CTNNA3: variants seen among roughly 807,000 people sequenced by gnomAD.
CTNNA3 encodes catenin alpha 3.
Under a neutral mutation model 95.7 loss-of-function variants are expected in CTNNA3, and 76 were observed. That is an observed-to-expected ratio of 0.79 (90% CI 0.66 to 0.96). The LOEUF (loss-of-function observed/expected upper bound fraction) is 0.96, where lower values mean the gene tolerates loss of function less well. Ranked by LOEUF, CTNNA3 falls within the 40% of genes least tolerant of loss-of-function variation. The pLI is 0.00. For missense variants in CTNNA3, 1,191 were observed against 1,089.8 expected, an observed-to-expected ratio of 1.09 and a Z score of -1.31; for synonymous variants, 431 against 374.4, an observed-to-expected ratio of 1.15 and a Z score of -1.74.
chr10:67,553,772 A>C (rs944685384), intron 3 of CTNNA3, among the ~76,000 whole-genome samples: 2 of 150,052 alleles, frequency 1.3e-5, no homozygotes, highest in Non-Finnish European at 3.0e-5. Context: ...TTTTTTTTTT[A>C]ATTATACTTT....
At chr10:67,051,064 A>T (rs1157104478) in intron 7 of CTNNA3, among the ~76,000 whole-genome samples, 2 of 152,238 alleles carry the variant, frequency 1.3e-5, no homozygotes, top group African/African-American at 2.4e-5. Flanking sequence ...ATATGGGAAG[A>T]TAAAATATTT....
chr10:66,240,513 G>T (rs145346413), intron 13 of CTNNA3, among the ~76,000 whole-genome samples: 2 of 152,006 alleles, frequency 1.3e-5, no homozygotes, highest in Non-Finnish European at 2.9e-5. Flanking sequence ...TACCAGATGC[G>T]CTATAGTACT....
intron 13 of CTNNA3, among the ~76,000 whole-genome samples, chr10:66,188,237 C>A (rs933080556): frequency 2.0e-5 from 3 of 152,026 alleles, no homozygotes; most frequent in Admixed American, 2.0e-4. Context: ...GCCCCAGAAA[C>A]CTAAAAGATA....
At chr10:66,608,488 A>C (rs1161766197) in intron 10 of CTNNA3, among the ~76,000 whole-genome samples, 2 of 152,190 alleles carry the variant, frequency 1.3e-5, no homozygotes, top group Non-Finnish European at 2.9e-5. Flanking sequence ...CCGAATAGCC[A>C]AGACAATCCT....
At chr10:67,690,839 T>G (rs1453365314) in intron 1 of CTNNA3, among the ~76,000 whole-genome samples, 1 of 151,796 alleles carries the variant, frequency 6.6e-6, no homozygotes, top group Non-Finnish European at 1.5e-5. Context: ...TTCCTTCATC[T>G]AGAAAGTCTT....
At chr10:66,487,569 GC>G (rs1839783772) in intron 11 of CTNNA3, among the ~76,000 whole-genome samples, 2 of 152,028 alleles carry the variant, frequency 1.3e-5, no homozygotes, top group South Asian at 4.2e-4. Context: ...CAGCCGCCTG[GC>G]CCAAATGCTA....
At chr10:67,374,682 ATGTCTAGTGAGG>A (rs779673824) in intron 5 of CTNNA3, among the ~76,000 whole-genome samples, 15 of 152,170 alleles carry the variant, frequency 9.9e-5, no homozygotes, top group Non-Finnish European at 2.1e-4. Flanking sequence ...CAGGTAAATA[ATGTCTAGTGAGG>A]TGACTTTTGA....
chr10:65,941,499 C>T (rs551075927), intron 17 of CTNNA3, among the ~76,000 whole-genome samples: 5 of 152,156 alleles, frequency 3.3e-5, no homozygotes, highest in Non-Finnish European at 7.3e-5. Flanking sequence ...GATTCCCATG[C>T]AGAAAATAAA....
intron 11 of CTNNA3, among the ~76,000 whole-genome samples, chr10:66,454,115 C>T (rs372338419): frequency 7.9e-5 from 12 of 152,070 alleles, no homozygotes; most frequent in Admixed American, 7.9e-4. Context: ...GGCCAAGAGC[C>T]AAGGAGCACA....
At chr10:66,740,453 TC>T (rs1849292308) in intron 9 of CTNNA3, among the ~76,000 whole-genome samples, 2 of 152,198 alleles carry the variant, frequency 1.3e-5, no homozygotes, top group South Asian at 4.1e-4. Context: ...ACTGTAATAT[TC>T]AATTTTGTCA....
intron 5 of CTNNA3, among the ~76,000 whole-genome samples, chr10:67,238,908 A>AT (rs1401881750): frequency 3.3e-5 from 5 of 152,158 alleles, no homozygotes; most frequent in Non-Finnish European, 7.4e-5. Context: ...AGTTTAATAC[A>AT]TTTTTGTTAA....
At position 67,620,386 on chromosome 10, in the gene CTNNA3, G is replaced by T. The variant is rs148788436; in HGVS notation, c.100-13337C>A. Among the ~76,000 whole-genome samples the T allele has an allele frequency of 3.6e-3, 554 of 152,172 alleles. 5 individuals carry two copies. The highest frequency in any genetic ancestry group is 0.013 in the African/African-American group (520 of 41,532). On this transcript the variant is annotated intron_variant, in intron 2 of 17. Transcript: ENST00000433211. ...AGGTCACCACATGGGTCCAAAGGCCGCATCTCCCACCGTGAAATCATATAA... is the reference window on the plus strand; with the variant it reads ...AGGTCACCACATGGGTCCAAAGGCCTCATCTCCCACCGTGAAATCATATAA...
intron 5 of CTNNA3, among the ~76,000 whole-genome samples, chr10:67,233,943 C>A (rs1865339060): frequency 6.6e-6 from 1 of 152,074 alleles, no homozygotes; most frequent in African/African-American, 2.4e-5. Context: ...ACACATACAC[C>A]CTCCCAAGAC....
At chr10:66,335,018 G>T (rs187990847) in intron 12 of CTNNA3, among the ~76,000 whole-genome samples, 1 of 151,900 alleles carries the variant, frequency 6.6e-6, no homozygotes, top group Non-Finnish European at 1.5e-5. Flanking sequence ...CCAGTTGATC[G>T]AATCGGCTAC....
At chr10:67,193,152 T>C (rs1320787894) in intron 6 of CTNNA3, among the ~76,000 whole-genome samples, 11 of 151,926 alleles carry the variant, frequency 7.2e-5, no homozygotes, top group Non-Finnish European at 1.6e-4. Context: ...GGGCAAACTT[T>C]CAGTTATAAG....
At chr10:66,995,216 T>C (rs1851263363) in intron 7 of CTNNA3, among the ~76,000 whole-genome samples, 1 of 152,192 alleles carries the variant, frequency 6.6e-6, no homozygotes, top group African/African-American at 2.4e-5. Flanking sequence ...TCTCCGTGAA[T>C]AGAACCACCA....
intron 7 of CTNNA3, among the ~76,000 whole-genome samples, chr10:66,916,947 T>C (rs894892769): frequency 7.2e-5 from 11 of 152,210 alleles, no homozygotes; most frequent in African/African-American, 2.7e-4. Flanking sequence ...CCCTACTTGC[T>C]CTCCAACGTC....
chr10:67,075,459 C>T (rs1033016590), intron 7 of CTNNA3, among the ~76,000 whole-genome samples: 1 of 152,226 alleles, frequency 6.6e-6, no homozygotes, highest in South Asian at 2.1e-4. Context: ...AAGTAGGACA[C>T]CTGCCACTAT....
chr10:67,268,467 G>A (rs1042058260), intron 5 of CTNNA3, among the ~76,000 whole-genome samples: 3 of 152,070 alleles, frequency 2.0e-5, no homozygotes, highest in Non-Finnish European at 4.4e-5. Context: ...GCTGCAGGGA[G>A]CTATGATCAC....
Sources: allele counts gnomAD v4.1 joint callset (sites outside exome capture counted in the v4.1 genomes callset), GRCh38; gene constraint gnomAD v4.1.1; transcripts MANE v1.5; gene names NCBI Gene and HGNC (gene_info 2026-07-23, HGNC 2026-07-21).